LARGE1: variants seen among roughly 807,000 people sequenced by gnomAD.
The protein encoded by LARGE1 is xylosyl- and glucuronyltransferase LARGE1.
Under a neutral mutation model 87.6 loss-of-function variants are expected in LARGE1, and 43 were observed. That is an observed-to-expected ratio of 0.49 (90% CI 0.38 to 0.63). LARGE1 has a LOEUF of 0.63. Ranked by LOEUF, LARGE1 falls within the 30% of genes least tolerant of loss-of-function variation. The probability of loss-of-function intolerance (pLI) is 0.00; values close to 1 mark genes in which losing one functional copy is unlikely to be tolerated. For missense variants in LARGE1, 802 were observed against 1,000.2 expected (o/e 0.80, Z 2.67); for synonymous variants, 434 against 394.6 (o/e 1.10, Z -1.18).
At chr22:33,212,559 T>C (rs1398294480) in intron 11 of LARGE1, among the ~76,000 whole-genome samples, 1 of 152,200 alleles carries the variant, frequency 6.6e-6, no homozygotes, top group Non-Finnish European at 1.5e-5. Context: ...ACAACATCCA[T>C]TCTGCAGCCC....
At chr22:33,207,553 C>A (rs1266502126) in intron 11 of LARGE1, among the ~76,000 whole-genome samples, 4 of 152,198 alleles carry the variant, frequency 2.6e-5, no homozygotes, top group African/African-American at 9.7e-5. Flanking sequence ...GAGGGAGGAG[C>A]ACTGGCAAGA....
exon 12 of LARGE1, chr22:33,163,482 C>G (rs1770072919): frequency 6.6e-6 from 1 of 152,206 alleles, no homozygotes; most frequent in African/African-American, 2.4e-5. Context: ...TGAACTTGTT[C>G]ATTACAGGTA....
At chr22:33,601,710 CTT>C (rs2079117948) in intron 5 of LARGE1, among the ~76,000 whole-genome samples, 1 of 152,136 alleles carries the variant, frequency 6.6e-6, no homozygotes, top group African/African-American at 2.4e-5. Context: ...TGTCAGGAAA[CTT>C]TGATGAAGTC....
intron 1 of LARGE1, among the ~76,000 whole-genome samples, chr22:33,886,130 A>C (rs929293239): frequency 2.0e-5 from 3 of 152,196 alleles, no homozygotes; most frequent in African/African-American, 7.2e-5. Context: ...CACGCAGCCA[A>C]GCTGAGGTGC....
chr22:33,522,194 C>T (rs375412056), intron 6 of LARGE1, among the ~76,000 whole-genome samples: 1 of 152,196 alleles, frequency 6.6e-6, no homozygotes, highest in Non-Finnish European at 1.5e-5. Context: ...CAAACTATAT[C>T]AAGCCCTTAG....
At chr22:33,673,705 A>C (rs886735146) in intron 2 of LARGE1, among the ~76,000 whole-genome samples, 8 of 151,850 alleles carry the variant, frequency 5.3e-5, no homozygotes, top group Admixed American at 5.3e-4. Flanking sequence ...TTTTATTTTT[A>C]TTTTTATTTT....
At chr22:33,697,152 C>T (rs1260825799) in intron 2 of LARGE1, among the ~76,000 whole-genome samples, 1 of 152,100 alleles carries the variant, frequency 6.6e-6, no homozygotes, top group Non-Finnish European at 1.5e-5. Context: ...CGTTTTCTGG[C>T]AAGCATGAAC....
intron 6 of LARGE1, among the ~76,000 whole-genome samples, chr22:33,437,256 TC>T (rs1335611238): frequency 2.0e-5 from 3 of 152,168 alleles, no homozygotes; most frequent in African/African-American, 7.2e-5. Context: ...TACATTCACC[TC>T]ATAAACCAGT....
At chr22:33,394,937 C>T (rs560714961) in intron 7 of LARGE1, among the ~76,000 whole-genome samples, 18 of 151,766 alleles carry the variant, frequency 1.2e-4, no homozygotes, top group Admixed American at 8.5e-4. Flanking sequence ...TATAAAAGGC[C>T]GGGAAAGGGC....
intron 1 of LARGE1, among the ~76,000 whole-genome samples, chr22:33,795,988 T>TA (rs762538131): frequency 5.5e-5 from 7 of 126,866 alleles, no homozygotes; most frequent in Non-Finnish European, 8.1e-5. Flanking sequence ...CCCTAAAACT[T>TA]AAAGTATTAA....
the LARGE1 span, among the ~76,000 whole-genome samples, chr22:33,097,079 G>A: frequency 2.6e-5 from 4 of 152,182 alleles, no homozygotes; most frequent in Non-Finnish European, 5.9e-5. Flanking sequence ...TACCACCCTT[G>A]GGTGTCTTGG....
chr22:33,268,063 C>G (rs1177460214), downstream of LARGE1, among the ~76,000 whole-genome samples: 2 of 151,078 alleles, frequency 1.3e-5, no homozygotes, highest in Non-Finnish European at 2.9e-5. Flanking sequence ...TGAGGCGATT[C>G]TCCTCTCAGC....
the LARGE1 span, among the ~76,000 whole-genome samples, chr22:33,073,341 G>A: frequency 1.6e-4 from 25 of 152,174 alleles, no homozygotes; most frequent in African/African-American, 5.1e-4. Context: ...GTGCACACAC[G>A]TAACCCTGAT....
intron 2 of LARGE1, among the ~76,000 whole-genome samples, chr22:33,756,557 G>C (rs893422683): frequency 6.6e-6 from 1 of 152,052 alleles, no homozygotes; most frequent in African/African-American, 2.4e-5. Context: ...AGCAATAGAG[G>C]GTGTCAGGGA....
At chr22:33,623,705 TAAAAAAA>T (rs36005583) in intron 4 of LARGE1, among the ~76,000 whole-genome samples, 2 of 133,518 alleles carry the variant, frequency 1.5e-5, no homozygotes, top group Non-Finnish European at 3.2e-5. Context: ...TTAACTGATT[TAAAAAAA>T]AAAAAAAAAA....
chr22:33,478,931 GC>G (rs1242906036), intron 6 of LARGE1, among the ~76,000 whole-genome samples: 4 of 152,122 alleles, frequency 2.6e-5, no homozygotes, highest in African/African-American at 9.7e-5. Context: ...CTTCCATTTA[GC>G]CCCCAGGATG....
At chr22:33,291,260 C>G (rs368379515) in intron 12 of LARGE1, among the ~76,000 whole-genome samples, 1 of 152,170 alleles carries the variant, frequency 6.6e-6, no homozygotes, top group African/African-American at 2.4e-5. Flanking sequence ...TGAGTGAAGA[C>G]CCGGGAGAAG....
chr22:33,218,635 CT>C (rs759395863), intron 11 of LARGE1, among the ~76,000 whole-genome samples: 9 of 152,182 alleles, frequency 5.9e-5, no homozygotes, highest in South Asian at 2.1e-4. Flanking sequence ...TGGGTGCCTA[CT>C]GTGTGCCAGG....
intron 2 of LARGE1, chr22:33,725,508 A>G (rs1309920949): frequency 6.6e-6 from 1 of 152,316 alleles, no homozygotes; most frequent in Non-Finnish European, 1.5e-5. Flanking sequence ...TTCACTGGTA[A>G]TCAAAAGGGG....
Sources: gnomAD v4.1 joint callset for allele counts (sites outside exome capture counted in the v4.1 genomes callset) on GRCh38, gnomAD v4.1.1 for gene constraint, MANE v1.5 for transcripts, NCBI Gene and HGNC (gene_info 2026-07-23, HGNC 2026-07-21) for gene names.